RBFOX1: variants seen among roughly 807,000 people sequenced by gnomAD.
RBFOX1 encodes RNA binding fox-1 homolog 1.
In RBFOX1, 8 loss-of-function variants were observed where a neutral mutation model predicts 57.7. The observed-to-expected ratio is 0.14, with a 90% CI of 0.08 to 0.25. The LOEUF (loss-of-function observed/expected upper bound fraction) is 0.25, where lower values mean the gene tolerates loss of function less well. Among genes scored for constraint, RBFOX1 ranks in the 10% least tolerant of loss-of-function variants. RBFOX1 has a pLI of 1.00. For missense variants in RBFOX1, 611 were observed against 548.5 expected (o/e 1.11, Z -1.14); for synonymous variants, 326 against 222.4 (o/e 1.47, Z -4.15).
At chr16:7,529,170 A>C (rs1189484359) in intron 5 of RBFOX1, among the ~76,000 whole-genome samples, 1 of 152,178 alleles carries the variant, frequency 6.6e-6, no homozygotes, top group African/African-American at 2.4e-5. Context: ...CTGAGGCAGA[A>C]GAATTGCTTG....
chr16:6,684,618 G>C (rs1303885565), intron 3 of RBFOX1, among the ~76,000 whole-genome samples: 1 of 152,164 alleles, frequency 6.6e-6, no homozygotes, highest in African/African-American at 2.4e-5. Context: ...AGTGAGATGA[G>C]GGGACAGCCA....
At chr16:7,533,068 C>T (rs543075946) in intron 5 of RBFOX1, among the ~76,000 whole-genome samples, 20 of 152,296 alleles carry the variant, frequency 1.3e-4, no homozygotes, top group East Asian at 7.7e-4. Flanking sequence ...ATGTGTCATC[C>T]GTCCCCTCTG....
chr16:6,999,216 A>ATTTTATT (rs2092561977), intron 3 of RBFOX1, among the ~76,000 whole-genome samples: 3 of 109,034 alleles, frequency 2.8e-5, no homozygotes, highest in Non-Finnish European at 5.8e-5. Flanking sequence ...ATTTTTATTT[A>ATTTTATT]TTTTTTTTAT....
chr16:7,091,015 T>A (rs2060755588), intron 4 of RBFOX1, among the ~76,000 whole-genome samples: 1 of 152,186 alleles, frequency 6.6e-6, no homozygotes. Context: ...CACCTACTCA[T>A]CTAATTCACA....
At chr16:7,339,366 C>T (rs916707951) in intron 4 of RBFOX1, among the ~76,000 whole-genome samples, 1 of 152,188 alleles carries the variant, frequency 6.6e-6, no homozygotes, top group African/African-American at 2.4e-5. Context: ...TATTCTAACA[C>T]ATGGGAAAAG....
intron 3 of RBFOX1, among the ~76,000 whole-genome samples, chr16:6,672,710 G>C (rs548105652): frequency 8.0e-4 from 121 of 152,168 alleles, no homozygotes; most frequent in African/African-American, 2.7e-3. Flanking sequence ...TGCTTTTCTT[G>C]GGTTTGGCTT....
chr16:6,569,591 C>T lies in RBFOX1; in HGVS notation c.-63-85012C>T, dbSNP rs140583876. Reference sequence around the variant, plus strand: ...GAGCTGTAATTGGGTTAAATAGTTGCGACGTGGAGAAATCTACTTTTCTGT... The same window carrying T: ...GAGCTGTAATTGGGTTAAATAGTTGTGACGTGGAGAAATCTACTTTTCTGT... On this transcript the variant is annotated intron_variant, in intron 2 of 15. Transcript: ENST00000550418. 5.2e-3 allele frequency among the ~76,000 whole-genome samples: 794 copies of T among 152,288 alleles called. 7 individuals are homozygous for T. Among genetic ancestry groups the T allele is most frequent in the African/African-American group, 0.014 (579 of 41,576 alleles).
chr16:6,839,528 A>C (rs1012738849), intron 3 of RBFOX1, among the ~76,000 whole-genome samples: 20 of 152,200 alleles, frequency 1.3e-4, no homozygotes, highest in Admixed American at 1.3e-3. Flanking sequence ...AATTTTAATC[A>C]GACAGACAAG....
At chr16:6,050,353 A>C (rs1255787584) in intron 1 of RBFOX1, among the ~76,000 whole-genome samples, 1 of 152,180 alleles carries the variant, frequency 6.6e-6, no homozygotes, top group African/African-American at 2.4e-5. Context: ...TTGTTGAAGA[A>C]AACAGATTGT....
chr16:7,154,293 A>G (rs9806973), intron 4 of RBFOX1, among the ~76,000 whole-genome samples: 59,655 of 152,044 alleles, frequency 0.39, 12,971 homozygotes, highest in African/African-American at 0.59. Context: ...AGTGCTGTAA[A>G]AGAGACAAGT....
chr16:6,537,959 G>C (rs1238651317), intron 2 of RBFOX1, among the ~76,000 whole-genome samples: 2 of 151,556 alleles, frequency 1.3e-5, no homozygotes, highest in Non-Finnish European at 2.9e-5. Context: ...GATATCCTAG[G>C]AACTCTACAG....
chr16:5,542,283 C>G (rs145115529), intron 2 of RBFOX1, among the ~76,000 whole-genome samples: 1 of 141,784 alleles, frequency 7.1e-6, no homozygotes, highest in Non-Finnish European at 1.5e-5. Flanking sequence ...GAGTCTTCCT[C>G]TGTCACCAAG....
At chr16:5,252,034 C>T (rs1056685321) in intron 1 of RBFOX1, among the ~76,000 whole-genome samples, 11 of 152,168 alleles carry the variant, frequency 7.2e-5, no homozygotes, top group Non-Finnish European at 1.5e-4. Context: ...GTAGCCCCCG[C>T]TGAGCTGGGG....
At chr16:6,401,767 T>C (rs2093078552) in intron 2 of RBFOX1, among the ~76,000 whole-genome samples, 2 of 152,060 alleles carry the variant, frequency 1.3e-5, no homozygotes, top group African/African-American at 4.8e-5. Flanking sequence ...TGGAAAACAT[T>C]AAATGATAAA....
chr16:5,267,924 C>G (rs766476718), intron 1 of RBFOX1, among the ~76,000 whole-genome samples: 1 of 152,056 alleles, frequency 6.6e-6, no homozygotes, highest in Non-Finnish European at 1.5e-5. Flanking sequence ...ACTAAAAATA[C>G]AAAAATTAGC....
At chr16:6,835,670 C>G (rs2093039958) in intron 3 of RBFOX1, among the ~76,000 whole-genome samples, 1 of 143,014 alleles carries the variant, frequency 7.0e-6, no homozygotes, top group Non-Finnish European at 1.5e-5. Context: ...ATGAGAATAG[C>G]TTGAACCTCA....
intron 3 of RBFOX1, among the ~76,000 whole-genome samples, chr16:6,802,492 T>C (rs571185830): frequency 6.6e-6 from 1 of 152,062 alleles, no homozygotes; most frequent in Non-Finnish European, 1.5e-5. Context: ...GCCTGACCAA[T>C]TTGGCAAAAC....
At chr16:6,853,867 G>A (rs1359625261) in intron 3 of RBFOX1, among the ~76,000 whole-genome samples, 4 of 152,104 alleles carry the variant, frequency 2.6e-5, no homozygotes, top group Admixed American at 2.6e-4. Flanking sequence ...TATGGTAAAT[G>A]GTTAATATAG....
chr16:6,495,540 C>T (rs892108427), intron 2 of RBFOX1, among the ~76,000 whole-genome samples: 4 of 152,084 alleles, frequency 2.6e-5, no homozygotes, highest in African/African-American at 9.7e-5. Flanking sequence ...TTGATATCAC[C>T]CTGAAAAGAA....
Sources: gnomAD v4.1 joint callset for allele counts (sites outside exome capture counted in the v4.1 genomes callset) on GRCh38, gnomAD v4.1.1 for gene constraint, MANE v1.5 for transcripts, NCBI Gene and HGNC (gene_info 2026-07-23, HGNC 2026-07-21) for gene names.